MRC1: variants seen among roughly 807,000 people sequenced by gnomAD.
MRC1 encodes the protein mannose receptor C-type 1, also known as macrophage mannose receptor 1.
MRC1 carries 62 observed loss-of-function variants against 102.9 expected under a neutral mutation model. The ratio of observed to expected loss-of-function variants is 0.60; its 90% CI spans 0.49 to 0.74. MRC1 has a LOEUF of 0.74. MRC1 is among the 30% of genes least tolerant of loss of function. The pLI is 0.00. For synonymous variants in MRC1, 457 were observed against 298.4 expected (o/e 1.53, Z -5.48); for missense variants, 1,237 against 862.8 (o/e 1.43, Z -5.43).
chr10:17,835,148 C>T (rs1838643735), intron 4 of MRC1, among the ~76,000 whole-genome samples: 1 of 152,200 alleles, frequency 6.6e-6, no homozygotes. Context: ...ACCCTCACAT[C>T]TTTTCCCATG....
chr10:17,875,769 G>A (rs1298435720), intron 17 of MRC1, among the ~76,000 whole-genome samples: 1 of 151,986 alleles, frequency 6.6e-6, no homozygotes, highest in African/African-American at 2.4e-5. Flanking sequence ...ATTTTCCTCT[G>A]GGTAGATACC....
chr10:17,891,972 G>T lies in MRC1; in HGVS notation c.3148-2238G>T, dbSNP rs1008626100. Among the ~76,000 whole-genome samples the T allele has an allele frequency of 2.0e-5, 3 of 152,212 alleles. No individual in the cohort carries two copies. In the East Asian group the frequency reaches 5.8e-4, roughly 29 times the overall value. On this transcript the variant is annotated intron_variant, in intron 22 of 29. Coordinates refer to ENST00000569591, the MANE Select transcript of MRC1 (RefSeq NM_002438.4). ...GCTGTGACCTTCGAAAGTGCTTCTC[G>T]GTTTTGTTTTGTTGCTTTTTCATTT...
intron 26 of MRC1, among the ~76,000 whole-genome samples, chr10:17,903,822 G>A (rs1012859886): frequency 6.6e-6 from 1 of 152,104 alleles, no homozygotes; most frequent in South Asian, 2.1e-4. Context: ...CAAGCATGGT[G>A]GTGGGTGCCT....
At chr10:17,839,202 C>G (rs1838713596) in intron 4 of MRC1, among the ~76,000 whole-genome samples, 4 of 152,230 alleles carry the variant, frequency 2.6e-5, no homozygotes, top group African/African-American at 9.6e-5. Context: ...TAAAAGATGT[C>G]AAAAGGTAAT....
intron 23 of MRC1, among the ~76,000 whole-genome samples, chr10:17,895,362 C>CT (rs34285116): frequency 5.9e-4 from 86 of 146,082 alleles, no homozygotes; most frequent in African/African-American, 6.3e-4. Flanking sequence ...CATGAATCTG[C>CT]TTTTTTTTTT....
At chr10:17,813,134 A>C (rs1298359887) in intron 1 of MRC1, among the ~76,000 whole-genome samples, 3 of 152,224 alleles carry the variant, frequency 2.0e-5, no homozygotes, top group Non-Finnish European at 4.4e-5. Context: ...TAAAATGTCC[A>C]GAAGGTGACT....
chr10:17,875,302 G>A (rs1274319870), intron 17 of MRC1, 49 bp downstream of exon 17: 1 of 775,454 alleles, frequency 1.3e-6, no homozygotes, highest in African/African-American at 1.7e-5. Context: ...TTGGGGAACA[G>A]GTGTTGTTTG....
chr10:17,868,922 TTTTATTG>T (rs1833316899), intron 12 of MRC1, among the ~76,000 whole-genome samples: 1 of 152,194 alleles, frequency 6.6e-6, no homozygotes, highest in Admixed American at 6.5e-5. Context: ...AAATCAAGTA[TTTTATTG>T]TTACCTCTGG....
At chr10:17,884,240 A>G (rs1833558518) in intron 21 of MRC1, among the ~76,000 whole-genome samples, 2 of 152,072 alleles carry the variant, frequency 1.3e-5, no homozygotes, top group Non-Finnish European at 2.9e-5. Flanking sequence ...AAGCACTAGG[A>G]TTATAAGCAC....
At position 17,842,350 on chromosome 10, in the gene MRC1, AG is replaced by A. The variant is rs1838764911; in HGVS notation, c.916+1545del. ...TATTTCAAATAGATGCTAAAACACG[AG>A]AAAATTTTTAGAGAATATATTTTGG... On this transcript the variant is annotated intron_variant, in intron 5 of 29. Coordinates refer to ENST00000569591, the MANE Select transcript of MRC1 (RefSeq NM_002438.4). Among the ~76,000 whole-genome samples, 4 of 152,228 alleles carry A rather than the reference AG, an allele frequency of 2.6e-5. No homozygotes were observed. In the South Asian group the frequency reaches 8.3e-4, roughly 32 times the overall value.
chr10:17,860,569 T>G (rs573050835), intron 9 of MRC1, among the ~76,000 whole-genome samples: 339 of 152,298 alleles, frequency 2.2e-3, no homozygotes, highest in African/African-American at 8.0e-3. Context: ...TATGCCACTG[T>G]GCCTGGCCAT....
In MRC1 at chr10:17,879,808, G is replaced by A; in HGVS notation, c.2706G>A (p.Met902Ile). The change falls in exon 19 of 30, where the codon ATG (methionine) becomes ATA (isoleucine). Residue 902 changes from methionine to isoleucine, a missense_variant. Physicochemically the swap from Met to Ile is conservative, Grantham distance 10. Transcript: ENST00000569591. The part of the protein sequence containing the change: ...FANEDENCVT[M>I]YSNSGFWNDI... ...ATGAAGATGAAAACTGTGTGACCAT[G>A]TATTCAAATTCAGGTAGGCAAGTCA... The A allele has an allele frequency of 1.3e-6, 1 of 780,904 alleles. No homozygotes were observed. Among genetic ancestry groups the A allele is most frequent in the Non-Finnish European group, 2.4e-6 (1 of 417,968 alleles). 48.4% of individuals were successfully genotyped at this position (780,904 alleles called of 1,614,324 possible). A position where few individuals can be genotyped will look rare whatever the true frequency, so the allele number is the denominator to read the frequency against.
intron 12 of MRC1, among the ~76,000 whole-genome samples, chr10:17,869,483 G>T (rs1319496323): frequency 2.6e-5 from 4 of 152,064 alleles, no homozygotes. Flanking sequence ...GAGGAGTAAC[G>T]CATGAGAATT....
chr10:17,814,176 G>A (rs1165595698), intron 1 of MRC1, among the ~76,000 whole-genome samples: 5 of 152,290 alleles, frequency 3.3e-5, no homozygotes, highest in Admixed American at 2.0e-4. Flanking sequence ...GTGGCTTGCA[G>A]AAGTCAGGTA....
intron 23 of MRC1, 95 bp downstream of exon 23, chr10:17,894,407 T>TTTTTTTTTC: frequency 1.5e-6 from 1 of 680,060 alleles, no homozygotes; most frequent in Non-Finnish European, 2.6e-6. Context: ...TTTTTTTTTT[T>TTTTTTTTTC]TTTTTTTTTT....
chr10:17,838,551 T>C (rs1434592463), intron 4 of MRC1, among the ~76,000 whole-genome samples: 2 of 83,208 alleles, frequency 2.4e-5, no homozygotes, highest in African/African-American at 7.3e-5. Flanking sequence ...ACATTGGACC[T>C]CAATTAAAAA....
At chr10:17,861,677 C>T (rs1037226932) in intron 10 of MRC1, among the ~76,000 whole-genome samples, 175 bp downstream of exon 10, 17,675 of 152,118 alleles carry the variant, frequency 0.12, 1,197 homozygotes, top group Non-Finnish European at 0.16. Context: ...GCAAACATTA[C>T]AAACCGTTTT....
chr10:17,879,120 G>A (rs1833477452), intron 18 of MRC1, among the ~76,000 whole-genome samples: 1 of 152,174 alleles, frequency 6.6e-6, no homozygotes, highest in Non-Finnish European at 1.5e-5. Flanking sequence ...AGTACGATGG[G>A]AGGATTTTTG....
intron 26 of MRC1, among the ~76,000 whole-genome samples, chr10:17,905,391 G>T (rs2130723254): frequency 6.6e-6 from 1 of 152,218 alleles, no homozygotes; most frequent in East Asian, 1.9e-4. Context: ...GTTTTCCAGT[G>T]TTCTCATTGG....
Sources: gnomAD v4.1 joint callset for allele counts (sites outside exome capture counted in the v4.1 genomes callset) on GRCh38, gnomAD v4.1.1 for gene constraint, MANE v1.5 for transcripts, NCBI Gene and HGNC (gene_info 2026-07-23, HGNC 2026-07-21) for gene names.